The following PDE4A variants were observed in gnomAD, a reference collection of about 807,000 sequenced individuals.
The protein encoded by PDE4A is phosphodiesterase 4A.
Under a neutral mutation model 73.9 loss-of-function variants are expected in PDE4A, and 21 were observed. The ratio of observed to expected loss-of-function variants is 0.28; its 90% CI spans 0.20 to 0.41. PDE4A has a LOEUF of 0.41. PDE4A is among the 10% of genes least tolerant of loss of function. The pLI is 1.00. For missense variants in PDE4A, 958 were observed against 1,211.4 expected, an observed-to-expected ratio of 0.79 and a Z score of 3.10; for synonymous variants, 463 against 505.4, an observed-to-expected ratio of 0.92 and a Z score of 1.13.
rs2043123945 is a variant in PDE4A at position 10,453,368 on chromosome 19, G to T, written c.784-1461G>T. 2 of 1,596,124 alleles carry T rather than the reference G, an allele frequency of 1.3e-6. No homozygotes were observed. Among genetic ancestry groups the T allele is most frequent in the East Asian group, 2.3e-5 (1 of 44,242 alleles). On this transcript the variant is annotated intron_variant, in intron 6 of 14. Transcript: ENST00000380702. This position sits in a 1 kb window ranked among gnomAD's most constrained non-coding sequence, Gnocchi z 4.6. ...GGGTAGGGGGTGGGCGGGCATCCTG[G>T]TGAGCTGGGCCCCCGGTGTGGGCTT...
At chr19:10,457,239 G>A (rs1346092352) in intron 7 of PDE4A, among the ~76,000 whole-genome samples, 1 of 152,142 alleles carries the variant, frequency 6.6e-6, no homozygotes, top group East Asian at 1.9e-4. Flanking sequence ...TCCCACCAGT[G>A]AGGGTGTGTC....
Position 10,420,729 on chromosome 19 carries a change from C to T in PDE4A, c.-36C>T, listed in dbSNP as rs1039641760. ...CTGAGCGGGGTGTAGGTTGGAAGGG[C>T]CAGGGCCCCCTGGGGCGCAAGTGGG... On this transcript the variant is annotated 5_prime_UTR_variant, in exon 1 of 15. Transcript: ENST00000380702. The surrounding 1 kb of genome is among the most constrained non-coding windows in gnomAD (Gnocchi z 6.0). 9 of 1,493,920 alleles carry T rather than the reference C, an allele frequency of 6.0e-6. No homozygotes were observed. In the African/African-American group the frequency reaches 7.3e-5, roughly 12 times the overall value. The allele number at this position is 1,493,920 out of a possible 1,614,324, so 92.5% of individuals were successfully genotyped here.
intron 14 of PDE4A, 41 bp from the exon 15 acceptor site, chr19:10,466,846 C>G (rs201773708): frequency 1.9e-6 from 3 of 1,590,536 alleles, no homozygotes; most frequent in Non-Finnish European, 1.7e-6. Context: ...GTATCATCCA[C>G]CCCATAGGCC....
chr19:10,417,796 C>T (rs1236444853), upstream of PDE4A: 9 of 1,556,910 alleles, frequency 5.8e-6, no homozygotes, highest in East Asian at 1.9e-4. Context: ...GTCCCTCTGC[C>T]GCCACGGCCC....
Position 10,453,647 on chromosome 19 carries a change from G to T in PDE4A, c.784-1182G>T, listed in dbSNP as rs2043128653. Among the ~76,000 whole-genome samples the T allele has an allele frequency of 6.6e-6, 1 of 152,064 alleles. No individual in the cohort carries two copies. Among genetic ancestry groups the T allele is most frequent in the Non-Finnish European group, 1.5e-5 (1 of 68,002 alleles). ...GTGTGGCCCTGTCTGAGATCATCTG[G>T]CTCTGACCATGGTGTTGTGTGTTGG... On this transcript the variant is annotated intron_variant, in intron 6 of 14. Coordinates refer to ENST00000380702, the MANE Select transcript of PDE4A (RefSeq NM_001111307.2). This position sits in a 1 kb window ranked among gnomAD's most constrained non-coding sequence, Gnocchi z 4.6.
intron 6 of PDE4A, among the ~76,000 whole-genome samples, chr19:10,451,721 C>T (rs1380258652): frequency 1.3e-5 from 2 of 151,992 alleles, no homozygotes; most frequent in African/African-American, 4.8e-5. Context: ...GCAATGCTCC[C>T]ATGTACAGTT....
chr19:10,427,686 T>C, intron 1 of PDE4A: 1 of 967,776 alleles, frequency 1.0e-6, no homozygotes, highest in Non-Finnish European at 1.2e-6. Context: ...CTTTCTAGAT[T>C]GGGAGACCCT....
rs778234698 is a variant in PDE4A at position 10,463,857 on chromosome 19, G to A, written c.1808G>A (p.Arg603His). ...SNPTKPLELY[R>H]QWTDRIMAEF... ...CCCACCAAGCCGCTGGAGCTGTACC[G>A]CCAGTGGACAGACCGCATCATGGCC... is the stretch of plus-strand genomic sequence containing the variant. The change falls in exon 14 of 15, where the codon CGC becomes CAC. Residue 603 changes from arginine to histidine, a missense_variant. This residue lies in a region of PDE4A where 570 missense variants were observed against 827.7 expected (regional missense o/e 0.69). Coordinates refer to ENST00000380702, the MANE Select transcript of PDE4A (RefSeq NM_001111307.2). The A allele has an allele frequency of 6.2e-6, 10 of 1,614,130 alleles. No individual in the cohort carries two copies. The highest frequency in any genetic ancestry group is 1.7e-5 in the Admixed American group (1 of 59,998).
At chr19:10,418,271 T>C (rs2042607069), upstream of PDE4A, among the ~76,000 whole-genome samples, 1 of 152,194 alleles carries the variant, frequency 6.6e-6, no homozygotes, top group South Asian at 2.1e-4. Flanking sequence ...AGTATTTTTC[T>C]TTCTCCTGGG....
chr19:10,452,613 G>GGGGT (rs2043109669), intron 6 of PDE4A, among the ~76,000 whole-genome samples: 2 of 147,284 alleles, frequency 1.4e-5, no homozygotes, highest in African/African-American at 5.0e-5. Flanking sequence ...ACTGTCTCCG[G>GGGGT]GTGTGTGTGT....
Position 10,420,738 on chromosome 19 carries a change from C to A in PDE4A, c.-27C>A. 2 of 1,522,432 alleles carry A rather than the reference C, an allele frequency of 1.3e-6. No individual in the cohort carries two copies. The highest frequency in any genetic ancestry group is 1.7e-6 in the Non-Finnish European group (2 of 1,147,424). 94.3% of individuals were successfully genotyped at this position (1,522,432 alleles called of 1,614,324 possible). A position where few individuals can be genotyped will look rare whatever the true frequency, so the allele number is the denominator to read the frequency against. On this transcript the variant is annotated 5_prime_UTR_variant, in exon 1 of 15. Coordinates refer to ENST00000380702, the MANE Select transcript of PDE4A (RefSeq NM_001111307.2). The surrounding 1 kb of genome is among the most constrained non-coding windows in gnomAD (Gnocchi z 6.0). ...GTGTAGGTTGGAAGGGCCAGGGCCCCCTGGGGCGCAAGTGGGGGCCGGCGC... is the reference window on the plus strand; with the variant it reads ...GTGTAGGTTGGAAGGGCCAGGGCCCACTGGGGCGCAAGTGGGGGCCGGCGC...
intron 1 of PDE4A, chr19:10,427,410 G>A: frequency 1.2e-6 from 1 of 817,882 alleles, no homozygotes; most frequent in Non-Finnish European, 1.5e-6. Flanking sequence ...CTGATACGTT[G>A]GAGGCAAGTG....
At chr19:10,445,200 T>A (rs1342967312) in intron 1 of PDE4A, among the ~76,000 whole-genome samples, 1 of 151,922 alleles carries the variant, frequency 6.6e-6, no homozygotes, top group African/African-American at 2.4e-5. Context: ...AGACTGGGGG[T>A]TGAAAACAGG....
upstream of PDE4A, chr19:10,417,440 G>A: frequency 1.0e-6 from 1 of 984,596 alleles, no homozygotes; most frequent in Non-Finnish European, 1.2e-6. Context: ...GGCATCGAGA[G>A]GGGACCCCAC....
chr19:10,452,020 GGT>G (rs58194674), intron 6 of PDE4A, among the ~76,000 whole-genome samples: 17,502 of 139,826 alleles, frequency 0.13, 1,040 homozygotes, highest in South Asian at 0.16. Flanking sequence ...TTTCTGCAAT[GGT>G]GTGTGTGTGT....
chr19:10,463,238 T>A (rs1018775352), intron 13 of PDE4A, among the ~76,000 whole-genome samples: 7 of 150,696 alleles, frequency 4.6e-5, no homozygotes, highest in African/African-American at 1.7e-4. Context: ...TACAGGTGCC[T>A]ACCACCAGAC....
At chr19:10,443,457 A>T (rs2042964285) in intron 1 of PDE4A, among the ~76,000 whole-genome samples, 1 of 149,312 alleles carries the variant, frequency 6.7e-6, no homozygotes, top group South Asian at 2.1e-4. Flanking sequence ...AGGTGGGAGG[A>T]TTTCTTAAGC....
chr19:10,456,101 C>G (rs1450109121), intron 7 of PDE4A, among the ~76,000 whole-genome samples: 2 of 151,814 alleles, frequency 1.3e-5, no homozygotes, highest in East Asian at 3.9e-4. Context: ...GCTTAAGAAC[C>G]TGTAAGAGGC....
At chr19:10,423,778 C>A (rs2042680921) in intron 1 of PDE4A, among the ~76,000 whole-genome samples, 1 of 152,170 alleles carries the variant, frequency 6.6e-6, no homozygotes, top group Non-Finnish European at 1.5e-5. Context: ...GGAACCTTAA[C>A]CACATCCCCA....
Sources: gnomAD v4.1 joint callset for allele counts (sites outside exome capture counted in the v4.1 genomes callset) on GRCh38, gnomAD v4.1.1 for gene constraint, gnomAD v4.1.1 regional missense constraint, Gnocchi (gnomAD v3.1) non-coding constraint, MANE v1.5 for transcripts, NCBI Gene and HGNC (gene_info 2026-07-23, HGNC 2026-07-21) for gene names.